Variants in PPIL6 observed in about 807,000 individuals in gnomAD.
PPIL6 encodes the protein peptidylprolyl isomerase like 6.
PPIL6 carries 39 observed loss-of-function variants against 36.8 expected under a neutral mutation model. The ratio of observed to expected loss-of-function variants is 1.06; its 90% CI spans 0.82 to 1.38. PPIL6 has a LOEUF of 1.38. Among genes scored for constraint, PPIL6 ranks in the 40% most tolerant of loss-of-function variants. The pLI, the probability that PPIL6 is intolerant of heterozygous loss-of-function variation, is 0.00. For synonymous variants in PPIL6, 123 were observed against 134.1 expected (o/e 0.92, Z 0.57); for missense variants, 368 against 379.1 (o/e 0.97, Z 0.24).
chr6:109,399,506 G>A (rs1030881698), intron 7 of PPIL6, among the ~76,000 whole-genome samples: 2 of 152,108 alleles, frequency 1.3e-5, no homozygotes, highest in East Asian at 1.9e-4. Flanking sequence ...AGGTTCATGT[G>A]ATTCTCCTGC....
At chr6:109,415,198 CT>C (rs912010779) in intron 6 of PPIL6, among the ~76,000 whole-genome samples, 14 of 152,190 alleles carry the variant, frequency 9.2e-5, no homozygotes, top group Non-Finnish European at 7.4e-5. Flanking sequence ...ATTTGTTTGA[CT>C]TTTTGCTTTT....
At chr6:109,405,478 C>G (rs1369345922) in intron 6 of PPIL6, among the ~76,000 whole-genome samples, 1 of 152,222 alleles carries the variant, frequency 6.6e-6, no homozygotes, top group Non-Finnish European at 1.5e-5. Flanking sequence ...TTCTCCCAGT[C>G]TGGAGTCTGT....
intron 5 of PPIL6, among the ~76,000 whole-genome samples, chr6:109,420,615 G>A (rs1480278143): frequency 6.6e-6 from 1 of 152,164 alleles, no homozygotes; most frequent in African/African-American, 2.4e-5. Flanking sequence ...CTAGTGAAAA[G>A]AGCGGGCTCT....
rs549496231 is a variant in PPIL6, at chr6:109,422,670, T to G, written c.632-3427A>C. On this transcript the variant is annotated intron_variant, in intron 5 of 7. Transcript: ENST00000521072. ...TAATAATATACACTGGAGATGGACC[T>G]TATGAACATAAAAATGCACACTTGA... 2.2e-4 allele frequency among the ~76,000 whole-genome samples: 33 copies of G among 152,294 alleles called. 1 individual carries two copies. Among genetic ancestry groups the G allele is most frequent in the Admixed American group, 2.0e-3 (31 of 15,296 alleles).
intron 6 of PPIL6, among the ~76,000 whole-genome samples, chr6:109,402,119 G>A (rs953347991): frequency 6.6e-6 from 1 of 152,174 alleles, no homozygotes; most frequent in African/African-American, 2.4e-5. Context: ...AAAGAAAATT[G>A]ATGAGTTGTA....
intron 6 of PPIL6, among the ~76,000 whole-genome samples, chr6:109,403,819 A>T (rs1772664968): frequency 6.6e-6 from 1 of 152,164 alleles, no homozygotes. Flanking sequence ...GCAGTTTTTC[A>T]CAGCCCCAGT....
Position 109,390,296 on chromosome 6 carries a change from AATT to A in PPIL6, c.*2527_*2529del, listed in dbSNP as rs1475320720. 1 of 152,210 alleles carries A rather than the reference AATT, an allele frequency of 6.6e-6. No individual in the cohort carries two copies. Among genetic ancestry groups the A allele is most frequent in the African/African-American group, 2.4e-5 (1 of 41,440 alleles). The allele number at this position is 152,210 out of a possible 1,614,324, so 9.4% of individuals were successfully genotyped here. Reference sequence around the variant, plus strand: ...AGGTCTCTTATAGGTTCTTTATAGAAATTATTGATTCATGGAACCCTCACAGCA... The same window carrying A: ...AGGTCTCTTATAGGTTCTTTATAGAAATTGATTCATGGAACCCTCACAGCA... On this transcript the variant is annotated 3_prime_UTR_variant, in exon 8 of 8. Coordinates refer to ENST00000521072, the MANE Select transcript of PPIL6 (RefSeq NM_173672.5).
In PPIL6 at chr6:109,403,102, T is replaced by C. The variant is rs1209045653; in HGVS notation, c.689-2932A>G. On this transcript the variant is annotated intron_variant, in intron 6 of 7. Coordinates refer to ENST00000521072, the MANE Select transcript of PPIL6 (RefSeq NM_173672.5). ...CTTTACACTTCTTTTCAAGCTTCCA[T>C]AAAGCTCTAAAATTAAAGAGCTATA... is the stretch of plus-strand genomic sequence containing the variant. 4.6e-6 allele frequency: 7 copies of C among 1,519,758 alleles called. No homozygotes were observed. The East Asian group carries it at 1.5e-4, about 32-fold the overall frequency. The allele number at this position is 1,519,758 out of a possible 1,614,324, so 94.1% of individuals were successfully genotyped here.
chr6:109,422,730 T>C (rs1219440855), intron 5 of PPIL6, among the ~76,000 whole-genome samples: 1 of 152,166 alleles, frequency 6.6e-6, no homozygotes, highest in Non-Finnish European at 1.5e-5. Context: ...CACAGAAAAG[T>C]TCATTTAGAC....
Position 109,438,644 on chromosome 6 carries a change from A to G in PPIL6, c.135+1812T>C, listed in dbSNP as rs887324214. On this transcript the variant is annotated intron_variant, in intron 1 of 7. Transcript: ENST00000521072. ...ACTCTTGTTGCCCAGGCTGGAGCAC[A>G]GTGGCACGATCTCAGCTCACCGAAA... is the stretch of plus-strand genomic sequence containing the variant. Among the ~76,000 whole-genome samples, 107 of 151,848 alleles carry G rather than the reference A, an allele frequency of 7.0e-4. 1 individual carries two copies. The highest frequency in any genetic ancestry group is 2.5e-3 in the African/African-American group (105 of 41,396).
chr6:109,435,115 C>A (rs1008208463), intron 2 of PPIL6, among the ~76,000 whole-genome samples: 2 of 152,150 alleles, frequency 1.3e-5, no homozygotes, highest in Admixed American at 6.5e-5. Flanking sequence ...ACCATCAACA[C>A]TTTCCAGAGT....
At chr6:109,404,804 G>A (rs1186850759) in intron 6 of PPIL6, 1 of 156,228 alleles carries the variant, frequency 6.4e-6, no homozygotes, top group Non-Finnish European at 1.4e-5. Flanking sequence ...GCTCTCGTCT[G>A]TAACTTTGGG....
intron 2 of PPIL6, among the ~76,000 whole-genome samples, chr6:109,433,539 A>C (rs2115285301): frequency 6.6e-6 from 1 of 152,296 alleles, no homozygotes; most frequent in South Asian, 2.1e-4. Context: ...CATGGACCTG[A>C]TGGTTTCTAG....
At position 109,413,795 on chromosome 6, in the gene PPIL6, G is replaced by A. The variant is rs1773121520; in HGVS notation, c.688+5392C>T. 1.3e-5 allele frequency among the ~76,000 whole-genome samples: 2 copies of A among 152,184 alleles called. No homozygotes were observed. Among genetic ancestry groups the A allele is most frequent in the Non-Finnish European group, 2.9e-5 (2 of 68,040 alleles). ...ACTATTCAGCCATAAAAAAGAATGAGATCCAGTCATTTGCAACAACATGGA... is the reference window on the plus strand; with the variant it reads ...ACTATTCAGCCATAAAAAAGAATGAAATCCAGTCATTTGCAACAACATGGA... On this transcript the variant is annotated intron_variant, in intron 6 of 7. Transcript: ENST00000521072. This position sits in a 1 kb window ranked among gnomAD's most constrained non-coding sequence, Gnocchi z 4.6.
At chr6:109,395,316 A>C (rs1027141520) in intron 7 of PPIL6, among the ~76,000 whole-genome samples, 2 of 151,946 alleles carry the variant, frequency 1.3e-5, no homozygotes, top group Admixed American at 6.6e-5. Context: ...CGGAGGCATG[A>C]GAATTGCTTA....
In PPIL6 at chr6:109,391,047, G is replaced by GT. The variant is rs1772078286; in HGVS notation, c.*1778_*1779insA. 1 of 152,082 alleles carries GT rather than the reference G, an allele frequency of 6.6e-6. No individual in the cohort carries two copies. The highest frequency in any genetic ancestry group is 2.4e-5 in the African/African-American group (1 of 41,398). 9.4% of individuals were successfully genotyped at this position (152,082 alleles called of 1,614,324 possible). A position where few individuals can be genotyped will look rare whatever the true frequency, so the allele number is the denominator to read the frequency against. ...CACGCCTTTGTAATCTCAGCACTTT[G>GT]GGAGGCCGAGGCGGGCGGATCACGA... On this transcript the variant is annotated 3_prime_UTR_variant, in exon 8 of 8. Coordinates refer to ENST00000521072, the MANE Select transcript of PPIL6 (RefSeq NM_173672.5).
intron 1 of PPIL6, among the ~76,000 whole-genome samples, chr6:109,438,738 G>A (rs1343538493): frequency 6.6e-6 from 1 of 151,802 alleles, no homozygotes; most frequent in African/African-American, 2.4e-5. Flanking sequence ...ACAGGCGCCC[G>A]CCACCATGCC....
At chr6:109,393,226 T>C (rs1246711285) in intron 7 of PPIL6, among the ~76,000 whole-genome samples, 3 of 151,522 alleles carry the variant, frequency 2.0e-5, no homozygotes, top group Non-Finnish European at 4.4e-5. Context: ...GGGTGATTTT[T>C]TTTTTTTTTG....
At chr6:109,405,774 T>A (rs1269697525) in intron 6 of PPIL6, among the ~76,000 whole-genome samples, 1 of 152,030 alleles carries the variant, frequency 6.6e-6, no homozygotes, top group Non-Finnish European at 1.5e-5. Context: ...ACACCTAGGG[T>A]TCTGATTGCA....
Sources: allele counts gnomAD v4.1 joint callset (sites outside exome capture counted in the v4.1 genomes callset), GRCh38; gene constraint gnomAD v4.1.1; non-coding constraint Gnocchi (gnomAD v3.1); transcripts MANE v1.5; gene names NCBI Gene and HGNC (gene_info 2026-07-23, HGNC 2026-07-21).